Variants in CMKLR2 observed in about 807,000 individuals in gnomAD.
The protein encoded by CMKLR2 is chemerin chemokine-like receptor 2.
Under a neutral mutation model 23.0 loss-of-function variants are expected in CMKLR2, and 18 were observed. The ratio of observed to expected loss-of-function variants is 0.78; its 90% CI spans 0.54 to 1.16. CMKLR2 has a LOEUF of 1.16. Among genes scored for constraint, CMKLR2 ranks in the 50% most tolerant of loss-of-function variants. The probability of loss-of-function intolerance (pLI) is 0.00; values close to 1 mark genes in which losing one functional copy is unlikely to be tolerated. For missense variants in CMKLR2, 401 were observed against 412.7 expected (o/e 0.97, Z 0.25); for synonymous variants, 158 against 158.9 (o/e 0.99, Z 0.05).
chr2:206,191,228 G>C (rs1465596725), intron 1 of CMKLR2, among the ~76,000 whole-genome samples: 1 of 152,152 alleles, frequency 6.6e-6, no homozygotes, highest in Non-Finnish European at 1.5e-5. Flanking sequence ...AATAGTAATA[G>C]CACCTAACTC....
Position 206,176,123 on chromosome 2 carries a change from C to T in CMKLR2, c.*57G>A, listed in dbSNP as rs1688196904. The T allele has an allele frequency of 1.1e-5, 14 of 1,221,250 alleles. No homozygotes were observed. Among genetic ancestry groups the T allele is most frequent in the Non-Finnish European group, 1.6e-5 (14 of 869,774 alleles). 75.7% of individuals were successfully genotyped at this position (1,221,250 alleles called of 1,614,324 possible). ...CTTGGAAACAATTTTAATCTGAAAG[C>T]ATCAGTCAGAGGACCCACATAAAAA... On this transcript the variant is annotated 3_prime_UTR_variant, in exon 2 of 2. Transcript: ENST00000621141.
chr2:206,209,952 T>C (rs1689486999), intron 1 of CMKLR2, among the ~76,000 whole-genome samples: 1 of 146,416 alleles, frequency 6.8e-6, no homozygotes, highest in Non-Finnish European at 1.5e-5. Flanking sequence ...CCGGCCCTTT[T>C]CTTTCTTTTC....
At chr2:206,198,999 A>C (rs757087233) in intron 1 of CMKLR2, among the ~76,000 whole-genome samples, 1 of 152,238 alleles carries the variant, frequency 6.6e-6, no homozygotes, top group African/African-American at 2.4e-5. Context: ...TCCACTTCCC[A>C]ACTAGTTCTT....
At chr2:206,217,427 G>A (rs182332808), upstream of CMKLR2, 72 of 152,304 alleles carry the variant, frequency 4.7e-4, no homozygotes, top group African/African-American at 1.6e-3. Flanking sequence ...ATACAGGGAC[G>A]TTTTCATCCA....
intron 1 of CMKLR2, among the ~76,000 whole-genome samples, chr2:206,198,872 A>G (rs1297912227): frequency 6.6e-6 from 1 of 152,210 alleles, no homozygotes; most frequent in East Asian, 1.9e-4. Flanking sequence ...CTGTCCATCT[A>G]AAGATGCTAG....
intron 1 of CMKLR2, among the ~76,000 whole-genome samples, chr2:206,183,746 G>A (rs1233133677): frequency 2.0e-5 from 3 of 152,204 alleles, no homozygotes; most frequent in East Asian, 3.9e-4. Flanking sequence ...AAAGAGAAAC[G>A]GCAGAACTTA....
intron 1 of CMKLR2, among the ~76,000 whole-genome samples, chr2:206,207,728 C>CTTTTTTTTTTGTTTTTTTT (rs1689383497): frequency 2.3e-5 from 1 of 43,582 alleles, no homozygotes; most frequent in African/African-American, 1.2e-4. Flanking sequence ...ACCTCAGGGC[C>CTTTTTTTTTTGTTTTTTTT]TTTTTTTTTT....
At chr2:206,204,270 T>C (rs79791362) in intron 1 of CMKLR2, among the ~76,000 whole-genome samples, 1 of 146,022 alleles carries the variant, frequency 6.8e-6, no homozygotes, top group Admixed American at 7.2e-5. Context: ...AGGAGAATGG[T>C]GTGAACCCGG....
upstream of CMKLR2, chr2:206,217,771 C>T (rs1416163803): frequency 6.6e-6 from 1 of 152,102 alleles, no homozygotes; most frequent in East Asian, 1.9e-4. Flanking sequence ...AAGGCATGCG[C>T]GGGGTGTGAA....
At chr2:206,208,894 C>T (rs559737100) in intron 1 of CMKLR2, among the ~76,000 whole-genome samples, 2 of 152,180 alleles carry the variant, frequency 1.3e-5, no homozygotes, top group African/African-American at 2.4e-5. Flanking sequence ...TGGTCTCGAA[C>T]TCTTGGGCTC....
chr2:206,177,048 C>T lies in CMKLR2; in HGVS notation c.200G>A (p.Trp67Ter), dbSNP rs1273589576. 4.3e-6 allele frequency: 7 copies of T among 1,614,116 alleles called. No homozygotes were observed. Among genetic ancestry groups the T allele is most frequent in the Non-Finnish European group, 5.9e-6 (7 of 1,180,018 alleles). ...CCACAGAGTGGTGACTGTCTTCTTC[C>T]ACTTGAACCCCGTGAACCAAATGAC... is the stretch of plus-strand genomic sequence containing the variant. ...AIVIWFTGFK[W>*]KKTVTTLWFL... Residue 67 changes from tryptophan to a stop codon, truncating the protein, a stop_gained, in exon 2 of 2, where the codon TGG becomes TAG. Transcript: ENST00000621141. LOFTEE classifies it high-confidence loss of function.
In CMKLR2 at chr2:206,176,741, G is replaced by A. The variant is rs142596460; in HGVS notation, c.507C>T (p.Gly169=). The change falls in exon 2 of 2, where the codon GGC becomes GGT. Residue 169 remains glycine (G), a synonymous_variant. Coordinates refer to ENST00000621141, the MANE Select transcript of CMKLR2 (RefSeq NM_001389445.1). The part of the protein sequence containing the change: ...IFIWLLASLI[G]GPALYFRDTV... ...TGTCCCGGAAGTACAGGGCAGGACC[G>A]CCAATTAGAGAAGCCAAAAGCCAGA... 6.2e-6 allele frequency: 10 copies of A among 1,614,124 alleles called. No individual in the cohort carries two copies. Among genetic ancestry groups the A allele is most frequent in the Admixed American group, 1.7e-5 (1 of 60,012 alleles).
chr2:206,190,965 G>C (rs181816032), intron 1 of CMKLR2, among the ~76,000 whole-genome samples: 2 of 152,282 alleles, frequency 1.3e-5, no homozygotes, highest in Admixed American at 1.3e-4. Flanking sequence ...TGTATAATCT[G>C]TATGGCTCTG....
At chr2:206,194,458 C>CTTTT (rs369564233) in intron 1 of CMKLR2, among the ~76,000 whole-genome samples, 8 of 127,708 alleles carry the variant, frequency 6.3e-5, no homozygotes, top group Non-Finnish European at 9.9e-5. Flanking sequence ...TCGTTATGGG[C>CTTTT]TTTTTTTTTT....
At chr2:206,217,058 T>G (rs941317046), upstream of CMKLR2, among the ~76,000 whole-genome samples, 2 of 152,230 alleles carry the variant, frequency 1.3e-5, no homozygotes, top group African/African-American at 2.4e-5. Context: ...TATTAATTTT[T>G]GTCAGTGATC....
At chr2:206,184,415 G>T (rs1688512056) in intron 1 of CMKLR2, among the ~76,000 whole-genome samples, 1 of 151,510 alleles carries the variant, frequency 6.6e-6, no homozygotes, top group South Asian at 2.1e-4. Flanking sequence ...TTCTGCCTCA[G>T]CCTCCTGAGT....
At chr2:206,214,599 A>G (rs551943863), upstream of CMKLR2, among the ~76,000 whole-genome samples, 1 of 151,668 alleles carries the variant, frequency 6.6e-6, no homozygotes, top group Non-Finnish European at 1.5e-5. Context: ...ACGGCTAGCT[A>G]TCTTTATTTT....
chr2:206,197,362 GT>G (rs1688955207), intron 1 of CMKLR2, among the ~76,000 whole-genome samples: 1 of 152,204 alleles, frequency 6.6e-6, no homozygotes. Context: ...TTGCTTCTAG[GT>G]TTTTTTCTTC....
At chr2:206,203,269 C>G (rs1689171788) in intron 1 of CMKLR2, 1 of 140,436 alleles carries the variant, frequency 7.1e-6, no homozygotes, top group Non-Finnish European at 1.5e-5. Flanking sequence ...TGGAGGTTTG[C>G]AGTGAGCCAA....
Sources: gnomAD v4.1 joint callset for allele counts (sites outside exome capture counted in the v4.1 genomes callset) on GRCh38, gnomAD v4.1.1 for gene constraint, MANE v1.5 for transcripts, NCBI Gene and HGNC (gene_info 2026-07-23, HGNC 2026-07-21) for gene names.